The following ANKS1B variants were observed in gnomAD, a reference collection of about 807,000 sequenced individuals.
ANKS1B encodes the protein ankyrin repeat and sterile alpha motif domain-containing protein 1B.
A neutral mutation model predicts 148.3 loss-of-function variants in ANKS1B; 36 were observed. That is an observed-to-expected ratio of 0.24 (90% confidence interval 0.19 to 0.32). The LOEUF is 0.32. ANKS1B is among the 10% of genes least tolerant of loss of function. The pLI is 1.00. For synonymous variants in ANKS1B, 542 were observed against 560.8 expected (o/e 0.97, Z 0.47); for missense variants, 1,157 against 1,542.6 (o/e 0.75, Z 4.19).
chr12:98,771,240 G>A (rs1321535786), intron 25 of ANKS1B, among the ~76,000 whole-genome samples: 2 of 152,058 alleles, frequency 1.3e-5, no homozygotes, highest in African/African-American at 4.8e-5. Flanking sequence ...CACGATCATA[G>A]CTCAGTGAAG....
chr12:99,308,894 A>T (rs1241953064), intron 12 of ANKS1B, among the ~76,000 whole-genome samples: 2 of 149,300 alleles, frequency 1.3e-5, no homozygotes, highest in African/African-American at 4.9e-5. Flanking sequence ...ATATTTGTAT[A>T]ATATATATAG....
At chr12:99,374,158 A>G (rs2093281845) in intron 12 of ANKS1B, among the ~76,000 whole-genome samples, 1 of 152,218 alleles carries the variant, frequency 6.6e-6, no homozygotes, top group Non-Finnish European at 1.5e-5. Flanking sequence ...TTCCAGAAGT[A>G]TAGAGGTTCC....
At chr12:99,053,348 C>A in intron 16 of ANKS1B, 39 bp from the exon 17 acceptor site, 4 of 1,469,226 alleles carry the variant, frequency 2.7e-6, no homozygotes, top group Non-Finnish European at 3.6e-6. Context: ...AAACTGTATA[C>A]TTTGTGTCCC....
chr12:99,944,798 A>C (rs1348489241), intron 1 of ANKS1B, among the ~76,000 whole-genome samples: 6 of 152,148 alleles, frequency 3.9e-5, no homozygotes, highest in Non-Finnish European at 7.4e-5. Context: ...TGTTCAGAGG[A>C]GGCAAGAGAT....
chr12:98,802,932 T>C (rs1388841320), intron 20 of ANKS1B, among the ~76,000 whole-genome samples: 1 of 152,142 alleles, frequency 6.6e-6, no homozygotes, highest in African/African-American at 2.4e-5. Context: ...TGTCTGTTGG[T>C]ATTGTTAAGA....
At chr12:99,485,590 G>C (rs2096478201) in intron 10 of ANKS1B, among the ~76,000 whole-genome samples, 1 of 152,020 alleles carries the variant, frequency 6.6e-6, no homozygotes, top group Admixed American at 6.6e-5. Context: ...CCTCAAATAA[G>C]TTTTCCTCAA....
chr12:99,702,089 A>G (rs2054923943), intron 8 of ANKS1B, among the ~76,000 whole-genome samples: 1 of 151,960 alleles, frequency 6.6e-6, no homozygotes, highest in Non-Finnish European at 1.5e-5. Context: ...TGGTAGTTCT[A>G]TTTTTAGTTT....
intron 9 of ANKS1B, among the ~76,000 whole-genome samples, chr12:99,530,723 C>A (rs1466141242): frequency 6.6e-6 from 1 of 152,108 alleles, no homozygotes; most frequent in Non-Finnish European, 1.5e-5. Context: ...TTTTCAAGCC[C>A]TTTTCAGCAA....
At chr12:98,747,266 A>G (rs554508231) in intron 26 of ANKS1B, among the ~76,000 whole-genome samples, 1 of 152,340 alleles carries the variant, frequency 6.6e-6, no homozygotes, top group East Asian at 1.9e-4. Flanking sequence ...AACCAACTCA[A>G]TCTGATTAAG....
At chr12:99,393,043 C>A (rs2094127931) in intron 12 of ANKS1B, among the ~76,000 whole-genome samples, 1 of 152,072 alleles carries the variant, frequency 6.6e-6, no homozygotes, top group Admixed American at 6.5e-5. Flanking sequence ...ATCCTACCTC[C>A]AATTCATCCA....
At chr12:98,857,554 G>A (rs1456427929) in intron 17 of ANKS1B, among the ~76,000 whole-genome samples, 1 of 151,692 alleles carries the variant, frequency 6.6e-6, no homozygotes, top group Non-Finnish European at 1.5e-5. Flanking sequence ...TAAGTCTAGA[G>A]AAGAAGAGAC....
chr12:99,955,518 A>C (rs1421285900), intron 1 of ANKS1B, among the ~76,000 whole-genome samples: 1 of 144,672 alleles, frequency 6.9e-6, no homozygotes. Flanking sequence ...AAAAAAAAAA[A>C]AAAAAAAAAA....
intron 12 of ANKS1B, among the ~76,000 whole-genome samples, chr12:99,304,557 T>C (rs2082106959): frequency 6.6e-6 from 1 of 152,138 alleles, no homozygotes; most frequent in African/African-American, 2.4e-5. Context: ...ATGTTGTTCC[T>C]GCTGACAGCT....
intron 9 of ANKS1B, among the ~76,000 whole-genome samples, chr12:98,737,023 T>C (rs2097776947): frequency 6.6e-6 from 1 of 152,202 alleles, no homozygotes; most frequent in Non-Finnish European, 1.5e-5. Flanking sequence ...GATCCGTTCC[T>C]CCCTCCAGAT....
chr12:99,120,115 G>A (rs2062390833), intron 15 of ANKS1B, among the ~76,000 whole-genome samples: 1 of 152,190 alleles, frequency 6.6e-6, no homozygotes, highest in African/African-American at 2.4e-5. Flanking sequence ...CCATCGCAGG[G>A]CATACTCACA....
In ANKS1B at chr12:99,706,391, A is replaced by T. The variant is rs1202891509; in HGVS notation, c.1129-51181T>A. The T allele has an allele frequency of 3.3e-5, 5 of 152,160 alleles. No homozygotes were observed. In the East Asian group the frequency reaches 9.7e-4, roughly 29 times the overall value. 9.4% of individuals were successfully genotyped at this position (152,160 alleles called of 1,614,324 possible). ...GACAATTCAAGTAAAATCCTCTAAA[A>T]CTTATATAATCTTGACTTTATGATA... is the stretch of plus-strand genomic sequence containing the variant. On this transcript the variant is annotated intron_variant, in intron 8 of 26. Transcript: ENST00000683438.
chr12:99,383,612 C>T (rs113592353), intron 12 of ANKS1B, among the ~76,000 whole-genome samples: 1 of 152,138 alleles, frequency 6.6e-6, no homozygotes, highest in South Asian at 2.1e-4. Flanking sequence ...ATATTACCTC[C>T]CTTTACAGGT....
intron 1 of ANKS1B, among the ~76,000 whole-genome samples, chr12:99,933,064 G>A (rs2153809850): frequency 1.3e-5 from 2 of 152,254 alleles, no homozygotes; most frequent in South Asian, 4.1e-4. Flanking sequence ...TCAAAAATGA[G>A]TTCACTGTAG....
At chr12:99,281,221 C>G (rs2078408470) in intron 12 of ANKS1B, among the ~76,000 whole-genome samples, 1 of 152,142 alleles carries the variant, frequency 6.6e-6, no homozygotes, top group Admixed American at 6.6e-5. Flanking sequence ...CTGATCCACT[C>G]AGAGTATGCG....
Sources: allele counts gnomAD v4.1 joint callset (sites outside exome capture counted in the v4.1 genomes callset), GRCh38; gene constraint gnomAD v4.1.1; transcripts MANE v1.5; gene names NCBI Gene and HGNC (gene_info 2026-07-23, HGNC 2026-07-21).